Variants in KLHL20 observed in about 807,000 individuals in gnomAD.
KLHL20 encodes the protein kelch-like protein 20.
Under a neutral mutation model 69.5 loss-of-function variants are expected in KLHL20, and 29 were observed. That is an observed-to-expected ratio of 0.42 (90% CI 0.31 to 0.57). KLHL20 has a LOEUF of 0.57. Among genes scored for constraint, KLHL20 ranks in the 20% least tolerant of loss-of-function variants. The pLI is 0.18. For synonymous variants in KLHL20, 253 were observed against 265.2 expected (o/e 0.95, Z 0.45); for missense variants, 419 against 776.0 (o/e 0.54, Z 5.47).
At chr1:173,778,507 T>TG (rs1367399919) in intron 10 of KLHL20, among the ~76,000 whole-genome samples, 2 of 141,336 alleles carry the variant, frequency 1.4e-5, no homozygotes, top group Non-Finnish European at 3.2e-5. Flanking sequence ...TTTTGTTTTT[T>TG]GTTTTTTTTT....
At chr1:173,756,143 C>A in intron 6 of KLHL20, 105 bp downstream of exon 6, 1 of 774,954 alleles carries the variant, frequency 1.3e-6, no homozygotes. Flanking sequence ...TCATAAGACA[C>A]AAATAATAAG....
At chr1:173,746,095 A>G (rs1200508701) in intron 3 of KLHL20, among the ~76,000 whole-genome samples, 1 of 152,222 alleles carries the variant, frequency 6.6e-6, no homozygotes, top group African/African-American at 2.4e-5. Context: ...CCTTAAACCC[A>G]TTAATGTAAC....
chr1:173,777,336 C>A (rs1459547228), intron 10 of KLHL20, among the ~76,000 whole-genome samples: 1 of 152,086 alleles, frequency 6.6e-6, no homozygotes, highest in Non-Finnish European at 1.5e-5. Flanking sequence ...TTTCCAAATA[C>A]AAAATCATAC....
Position 173,775,790 on chromosome 1 carries a change from C to T in KLHL20, c.1586C>T (p.Pro529Leu), listed in dbSNP as rs752138941. The T allele has an allele frequency of 1.9e-6, 3 of 1,614,164 alleles. No homozygotes were observed. The highest frequency in any genetic ancestry group is 1.1e-5 in the South Asian group (1 of 91,082). ...CTGAGCAGTGCTGAGAGATACAACCCCAGAACCAACCAGTGGTCTCCAGTG... is the reference window on the plus strand; with the variant it reads ...CTGAGCAGTGCTGAGAGATACAACCTCAGAACCAACCAGTGGTCTCCAGTG... ...TELSSAERYN[P>L]RTNQWSPVVA... The change falls in exon 10 of 12, where the codon CCC becomes CTC. Residue 529 changes from proline (P) to leucine (L), a missense_variant. Transcript: ENST00000209884.
intron 7 of KLHL20, among the ~76,000 whole-genome samples, chr1:173,765,295 A>C (rs1371069843): frequency 6.6e-6 from 1 of 152,160 alleles, no homozygotes; most frequent in African/African-American, 2.4e-5. Flanking sequence ...CGAGGTCAGG[A>C]GATTGAGACA....
intron 6 of KLHL20, among the ~76,000 whole-genome samples, chr1:173,756,266 A>G (rs374615040): frequency 7.7e-6 from 1 of 129,830 alleles, no homozygotes; most frequent in Non-Finnish European, 1.5e-5. Context: ...TATAAATCCA[A>G]AAATGTTGGC....
chr1:173,757,327 C>T (rs1475405549), intron 7 of KLHL20, among the ~76,000 whole-genome samples, 168 bp downstream of exon 7: 1 of 152,150 alleles, frequency 6.6e-6, no homozygotes, highest in Non-Finnish European at 1.5e-5. Flanking sequence ...TGGTCTCCGC[C>T]TATTTTTCTA....
intron 7 of KLHL20, among the ~76,000 whole-genome samples, chr1:173,764,422 C>T (rs1468292665): frequency 1.4e-5 from 2 of 147,298 alleles, no homozygotes; most frequent in East Asian, 3.8e-4. Flanking sequence ...GATACTTGTA[C>T]ACACATGTTT....
chr1:173,754,849 GGAT>G (rs1212076409), intron 5 of KLHL20, among the ~76,000 whole-genome samples: 3 of 152,056 alleles, frequency 2.0e-5, no homozygotes, highest in African/African-American at 7.2e-5. Context: ...TATAAAGTGA[GGAT>G]GATAATAGTG....
intron 2 of KLHL20, among the ~76,000 whole-genome samples, chr1:173,719,876 T>A (rs1470124645): frequency 6.6e-6 from 1 of 152,216 alleles, no homozygotes; most frequent in Non-Finnish European, 1.5e-5. Flanking sequence ...AGAAATTGGT[T>A]TATTCATATA....
chr1:173,740,798 C>G (rs148389734), intron 3 of KLHL20, among the ~76,000 whole-genome samples: 1 of 151,760 alleles, frequency 6.6e-6, no homozygotes, highest in African/African-American at 2.4e-5. Context: ...GCTTCCGTGT[C>G]GTATCTGCAC....
chr1:173,771,343 G>A (rs1648076740), intron 8 of KLHL20, among the ~76,000 whole-genome samples: 1 of 152,138 alleles, frequency 6.6e-6, no homozygotes, highest in Non-Finnish European at 1.5e-5. Context: ...GTTCAAGGCT[G>A]CAGTGAGCTA....
rs142378664 is a variant in KLHL20, at chr1:173,719,695, G to T, written c.23+3629G>T. On this transcript the variant is annotated intron_variant, in intron 2 of 11. Transcript: ENST00000209884. ...CATTTTTTTAATTTTGGTGGACATT[G>T]ACAAATTTTTGCCCTTAGAGTTACA... 5.4e-3 allele frequency among the ~76,000 whole-genome samples: 815 copies of T among 151,638 alleles called. 5 individuals carry two copies. Among genetic ancestry groups the T allele is most frequent in the Non-Finnish European group, 8.9e-3 (602 of 67,954 alleles).
intron 3 of KLHL20, among the ~76,000 whole-genome samples, chr1:173,735,184 G>T (rs975009882): frequency 1.3e-5 from 2 of 152,232 alleles, no homozygotes; most frequent in Admixed American, 6.5e-5. Context: ...AGTGGCACAT[G>T]CCTGTGATCC....
intron 8 of KLHL20, among the ~76,000 whole-genome samples, chr1:173,773,588 T>C (rs886910743): frequency 6.6e-6 from 1 of 152,074 alleles, no homozygotes; most frequent in East Asian, 1.9e-4. Flanking sequence ...TAGGATGTAG[T>C]AGAGAGTAAC....
intron 8 of KLHL20, 53 bp downstream of exon 8, chr1:173,766,342 C>G (rs1647707318): frequency 6.8e-7 from 1 of 1,480,164 alleles, no homozygotes. Flanking sequence ...GAACATAGAG[C>G]TCTTTAAAAG....
chr1:173,737,109 G>A (rs938275524), intron 3 of KLHL20, among the ~76,000 whole-genome samples: 1 of 152,142 alleles, frequency 6.6e-6, no homozygotes, highest in Non-Finnish European at 1.5e-5. Flanking sequence ...TGAATTCCTT[G>A]TAGATTCTGG....
chr1:173,750,147 C>T (rs927139401), intron 3 of KLHL20, among the ~76,000 whole-genome samples: 3 of 152,046 alleles, frequency 2.0e-5, no homozygotes, highest in Non-Finnish European at 2.9e-5. Context: ...TATTTAATTT[C>T]CTGAACCTCA....
chr1:173,720,943 C>A (rs1443526449), intron 2 of KLHL20, among the ~76,000 whole-genome samples: 1 of 151,392 alleles, frequency 6.6e-6, no homozygotes, highest in African/African-American at 2.4e-5. Flanking sequence ...GACTCTGGGG[C>A]AGAAGAGAGA....
Sources: allele counts gnomAD v4.1 joint callset (sites outside exome capture counted in the v4.1 genomes callset), GRCh38; gene constraint gnomAD v4.1.1; transcripts MANE v1.5; gene names NCBI Gene and HGNC (gene_info 2026-07-23, HGNC 2026-07-21).